The following CEP70 variants were observed in gnomAD, a reference collection of about 807,000 sequenced individuals.
CEP70 encodes the protein centrosomal protein of 70 kDa.
A neutral mutation model predicts 90.9 loss-of-function variants in CEP70; 70 were observed. The ratio of observed to expected loss-of-function variants is 0.77; its 90% CI spans 0.64 to 0.94. The LOEUF (loss-of-function observed/expected upper bound fraction) is 0.94. CEP70 is among the 40% of genes least tolerant of loss of function. The pLI, the probability that CEP70 is intolerant of heterozygous loss-of-function variation, is 0.00. For missense variants in CEP70, 648 were observed against 669.0 expected, an observed-to-expected ratio of 0.97 and a Z score of 0.35; for synonymous variants, 220 against 228.3, an observed-to-expected ratio of 0.96 and a Z score of 0.33.
intron 1 of CEP70, 142 bp from the exon 2 acceptor site, chr3:138,592,098 G>T (rs2108297759): frequency 2.0e-6 from 1 of 501,938 alleles, no homozygotes. Flanking sequence ...AACTGCTAAT[G>T]GCCTTCCCAG....
intron 11 of CEP70, among the ~76,000 whole-genome samples, chr3:138,524,246 A>G (rs575529188): frequency 6.6e-6 from 1 of 151,920 alleles, no homozygotes; most frequent in East Asian, 1.9e-4. Context: ...AAAGACTTAC[A>G]TGTTAGACCT....
chr3:138,500,565 G>A lies in CEP70; in HGVS notation c.1371C>T (p.Asp457=), dbSNP rs1488817908. The change falls in exon 15 of 18, where the codon GAC becomes GAT. Residue 457 remains aspartate (D), a splice_region_variant and synonymous_variant. Coordinates refer to ENST00000264982, the MANE Select transcript of CEP70 (RefSeq NM_024491.4). The part of the protein sequence containing the change: ...MLEEVENKEK[D]SNMPHFQTLQ... ...AAGTTTGAAAGTGTGGCATATTGCT[G>A]TCCTGTCCAAAAAAGAGGTAAAAAA... is the stretch of plus-strand genomic sequence containing the variant. 6.3e-7 allele frequency: 1 copy of A among 1,582,704 alleles called. No individual in the cohort carries two copies. Among genetic ancestry groups the A allele is most frequent in the South Asian group, 1.2e-5 (1 of 84,810 alleles).
At chr3:138,533,315 A>G (rs2037987225) in intron 7 of CEP70, among the ~76,000 whole-genome samples, 1 of 151,984 alleles carries the variant, frequency 6.6e-6, no homozygotes, top group Admixed American at 6.6e-5. Context: ...AAAGAAAATA[A>G]TGGAGAAGTA....
intron 16 of CEP70, among the ~76,000 whole-genome samples, chr3:138,499,189 C>T (rs1173844550): frequency 2.0e-5 from 3 of 152,192 alleles, no homozygotes; most frequent in Admixed American, 6.5e-5. Context: ...GGAAAACTTG[C>T]AAAACATATG....
At chr3:138,578,888 C>T (rs1228112262) in intron 2 of CEP70, among the ~76,000 whole-genome samples, 12 of 152,124 alleles carry the variant, frequency 7.9e-5, no homozygotes, top group Non-Finnish European at 1.5e-4. Flanking sequence ...ACTATCTTTA[C>T]AAAAAAGCAC....
intron 2 of CEP70, among the ~76,000 whole-genome samples, chr3:138,579,562 G>A (rs978056902): frequency 2.6e-5 from 4 of 151,800 alleles, no homozygotes; most frequent in Admixed American, 1.3e-4. Context: ...AGAGTTATGA[G>A]GCCCCCATTC....
Position 138,505,358 on chromosome 3 carries a change from A to G in CEP70, c.1158T>C (p.Asp386=), listed in dbSNP as rs767033785. The G allele has an allele frequency of 2.5e-6, 4 of 1,612,650 alleles. No homozygotes were observed. The highest frequency in any genetic ancestry group is 2.2e-5 in the South Asian group (2 of 90,910). The change falls in exon 13 of 18, where the codon GAT becomes GAC. Residue 386 remains aspartate, a synonymous_variant. Transcript: ENST00000264982. ...VQNFNKDLVQ[D]CGFEHLVPVI... is the part of the protein sequence containing the mutation. ...CAGGAACAAGATGCTCAAATCCACA[A>G]TCTTGAACAAGATCTTTATTAAAAT...
intron 11 of CEP70, among the ~76,000 whole-genome samples, chr3:138,519,256 C>G (rs1422800379): frequency 1.8e-5 from 1 of 56,992 alleles, no homozygotes; most frequent in African/African-American, 6.1e-5. Flanking sequence ...GGAAAACACT[C>G]TGCAGTATAT....
rs181203186 is a variant in CEP70 at position 138,586,584 on chromosome 3, C to G, written c.-6+5270G>C. 5.3e-5 allele frequency among the ~76,000 whole-genome samples: 8 copies of G among 152,232 alleles called. No individual in the cohort carries two copies. The East Asian group carries it at 1.5e-3, about 29-fold the overall frequency. ...GTGAAATAAGCCAGGCACAGAAAGA[C>G]AAACATCACATGTTCTCATTTATTT... On this transcript the variant is annotated intron_variant, in intron 2 of 17. Coordinates refer to ENST00000264982, the MANE Select transcript of CEP70 (RefSeq NM_024491.4).
chr3:138,500,023 C>T, intron 16 of CEP70, 87 bp downstream of exon 16: 4 of 872,932 alleles, frequency 4.6e-6, no homozygotes, highest in South Asian at 1.4e-5. Flanking sequence ...CCTCCCACAT[C>T]AGCCTCCCAA....
intron 8 of CEP70, chr3:138,530,525 A>C (rs911066864): frequency 5.3e-6 from 5 of 950,264 alleles, no homozygotes; most frequent in Admixed American, 6.2e-5. Flanking sequence ...CAACAACAAA[A>C]AACTTCGGAC....
intron 17 of CEP70, chr3:138,496,605 G>A (rs892559380): frequency 2.0e-6 from 2 of 985,200 alleles, no homozygotes; most frequent in Non-Finnish European, 2.4e-6. Context: ...CCATTTACAT[G>A]AGAAAAAGAA....
At position 138,537,301 on chromosome 3, in the gene CEP70, G is replaced by A. The variant is rs761050921; in HGVS notation, c.512C>T (p.Thr171Ile). The A allele has an allele frequency of 1.2e-6, 2 of 1,605,410 alleles. No individual in the cohort carries two copies. The highest frequency in any genetic ancestry group is 8.5e-7 in the Non-Finnish European group (1 of 1,176,816). ...YKKKRTEQEETIASLQMEVCR... is the reference protein window; with the variant it reads ...YKKKRTEQEEIIASLQMEVCR... ...GACTTCCATTTGCAAAGAAGCAATA[G>A]TTTCTTCTTGCTCCGTTCGTTTTTT... is the stretch of plus-strand genomic sequence containing the variant. The change falls in exon 7 of 18, where the codon ACT becomes ATT. Residue 171 changes from threonine to isoleucine, a missense_variant. Transcript: ENST00000264982.
At chr3:138,550,926 C>G (rs1236905854) in intron 6 of CEP70, among the ~76,000 whole-genome samples, 1 of 152,160 alleles carries the variant, frequency 6.6e-6, no homozygotes, top group Non-Finnish European at 1.5e-5. Context: ...GAAGAGAAAT[C>G]TAAAAGTTTG....
At chr3:138,528,044 A>C (rs2107740661) in intron 10 of CEP70, among the ~76,000 whole-genome samples, 1 of 149,910 alleles carries the variant, frequency 6.7e-6, no homozygotes, top group Middle Eastern at 3.4e-3. Context: ...ATCTATTTGA[A>C]GTTTTTTTTT....
rs757601438 is a variant in CEP70 at position 138,571,128 on chromosome 3, G to C, written c.190C>G (p.Gln64Glu). ...DLIIFDKQSS[Q>E]RMRQNLKLLV... is the part of the protein sequence containing the mutation. Reference sequence around the variant, plus strand: ...AATTTCAAATTCTGTCTCATCCTTTGTGATGACTGTTTGTCAAAAATGATG... The same window carrying C: ...AATTTCAAATTCTGTCTCATCCTTTCTGATGACTGTTTGTCAAAAATGATG... Residue 64 changes from glutamine (Q) to glutamate (E), a missense_variant, in exon 5 of 18, where the codon CAA (glutamine) becomes GAA (glutamate). Gln to Glu is a conservative substitution (Grantham distance 29). Coordinates refer to ENST00000264982, the MANE Select transcript of CEP70 (RefSeq NM_024491.4). 2 of 1,597,016 alleles carry C rather than the reference G, an allele frequency of 1.3e-6. No individual in the cohort carries two copies. The highest frequency in any genetic ancestry group is 3.4e-5 in the Admixed American group (2 of 59,326).
chr3:138,505,269 G>A, intron 13 of CEP70, 26 bp downstream of exon 13: 1 of 1,554,180 alleles, frequency 6.4e-7, no homozygotes, highest in Non-Finnish European at 8.7e-7. Flanking sequence ...GATGTTCAAA[G>A]CATATAATCA....
chr3:138,512,979 T>G (rs907662906), intron 11 of CEP70, among the ~76,000 whole-genome samples: 3 of 152,208 alleles, frequency 2.0e-5, no homozygotes, highest in Admixed American at 6.5e-5. Context: ...CTAAGATAGT[T>G]AGTGATGAAA....
intron 6 of CEP70, among the ~76,000 whole-genome samples, chr3:138,560,524 C>T (rs1427429377): frequency 2.0e-5 from 3 of 151,278 alleles, no homozygotes; most frequent in Admixed American, 6.6e-5. Context: ...TGAGACAGAA[C>T]CGTTTGCTCC....
Sources: gnomAD v4.1 joint callset for allele counts (sites outside exome capture counted in the v4.1 genomes callset) on GRCh38, gnomAD v4.1.1 for gene constraint, MANE v1.5 for transcripts, NCBI Gene and HGNC (gene_info 2026-07-23, HGNC 2026-07-21) for gene names.